The following TSKS variants were observed in gnomAD, a reference collection of about 807,000 sequenced individuals.
TSKS encodes the protein testis specific serine kinase substrate.
In TSKS, 27 loss-of-function variants were observed where a neutral mutation model predicts 68.0. The ratio of observed to expected loss-of-function variants is 0.40; its 90% confidence interval spans 0.29 to 0.55. The LOEUF (loss-of-function observed/expected upper bound fraction) is 0.55, where lower values mean the gene tolerates loss of function less well. Among genes scored for constraint, TSKS ranks in the 20% least tolerant of loss-of-function variants. The pLI, the probability that TSKS is intolerant of heterozygous loss-of-function variation, is 0.53. For missense variants in TSKS, 806 were observed against 776.0 expected (o/e 1.04, Z -0.46); for synonymous variants, 331 against 340.4 (o/e 0.97, Z 0.30).
At chr19:49,746,363 T>C in intron 6 of TSKS, 107 bp downstream of exon 6, 5 of 1,365,588 alleles carry the variant, frequency 3.7e-6, no homozygotes, top group Admixed American at 2.1e-5. Context: ...CCTCAGCTAC[T>C]TGAGAACCCC....
intron 2 of TSKS, among the ~76,000 whole-genome samples, chr19:49,749,646 G>T (rs914840932): frequency 2.0e-5 from 3 of 151,862 alleles, no homozygotes; most frequent in Non-Finnish European, 4.4e-5. Context: ...TGTGTGGGGG[G>T]TCTCTCATTA....
chr19:49,750,080 G>C (rs972351113), intron 2 of TSKS, among the ~76,000 whole-genome samples: 2 of 152,046 alleles, frequency 1.3e-5, no homozygotes, highest in African/African-American at 4.8e-5. Context: ...TGGACCAGCA[G>C]ATAGAGGACA....
In TSKS at chr19:49,762,009, T is replaced by C; in HGVS notation, c.394A>G (p.Ile132Val). The change falls in exon 2 of 11, where the codon ATC (isoleucine) becomes GTC (valine). Residue 132 changes from isoleucine (I) to valine (V), a missense_variant. By Grantham distance (29) the Ile-to-Val change is conservative. Coordinates refer to ENST00000246801, the MANE Select transcript of TSKS (RefSeq NM_021733.2). ...WDPDDADITE[I>V]LSGVNSGLVR... ...GTGGTGTGGAGGGCCCTCACCAGGA[T>C]TTCCGTGATGTCTGCGTCATCCGGA... 2 of 1,612,070 alleles carry C rather than the reference T, an allele frequency of 1.2e-6. No homozygotes were observed. The highest frequency in any genetic ancestry group is 1.7e-6 in the Non-Finnish European group (2 of 1,178,548).
At position 49,746,367 on chromosome 19, in the gene TSKS, GA is replaced by G. The variant is rs1239567010; in HGVS notation, c.992+102del. The G allele has an allele frequency of 2.9e-6, 4 of 1,376,492 alleles. No homozygotes were observed. The East Asian group carries it at 7.2e-5, about 25-fold the overall frequency. 85.3% of individuals were successfully genotyped at this position (1,376,492 alleles called of 1,614,324 possible). ...GTCACCGCCCACCTCAGCTACTTGA[GA>G]ACCCCCGTCCCTTGGGTCCCGCCCA... On this transcript the variant is annotated intron_variant, in intron 6 of 10. Transcript: ENST00000246801.
intron 9 of TSKS, among the ~76,000 whole-genome samples, chr19:49,741,165 G>A (rs1427577699): frequency 2.6e-5 from 4 of 152,032 alleles, no homozygotes; most frequent in Non-Finnish European, 5.9e-5. Flanking sequence ...GCGACAGAGC[G>A]AGACTCCATC....
Position 49,746,514 on chromosome 19 carries a change from G to T in TSKS, c.948C>A (p.Ser316Arg), listed in dbSNP as rs748020438. 1.7e-5 allele frequency: 28 copies of T among 1,613,736 alleles called. No homozygotes were observed. In the Admixed American group the frequency reaches 4.5e-4, roughly 26 times the overall value. ...TGAACAGCTTCTGCAATTCCTGCTC[G>T]CTCACGTAGGGGCCCTCGCCAGCCC... ...GPRAGEGPYV[S>R]EQELQKLFTG... is the part of the protein sequence containing the mutation. The change falls in exon 6 of 11, where the codon AGC becomes AGA. Residue 316 changes from serine (S) to arginine (R), a missense_variant. Transcript: ENST00000246801.
At chr19:49,749,781 T>G (rs545674242) in intron 2 of TSKS, among the ~76,000 whole-genome samples, 1 of 152,126 alleles carries the variant, frequency 6.6e-6, no homozygotes, top group Admixed American at 6.6e-5. Context: ...CAGCAAAATT[T>G]TAAGATGTTT....
In TSKS at chr19:49,746,494, A is replaced by G; in HGVS notation, c.968T>C (p.Leu323Pro). 2 of 1,613,942 alleles carry G rather than the reference A, an allele frequency of 1.2e-6. No homozygotes were observed. The highest frequency in any genetic ancestry group is 1.7e-6 in the Non-Finnish European group (2 of 1,179,930). The stretch of plus-strand genomic sequence containing the variant: ...CCTCAGCTCTTCGATGCCGGTGAAC[A>G]GCTTCTGCAATTCCTGCTCGCTCAC... ...PYVSEQELQK[L>P]FTGIEELRRE... The change falls in exon 6 of 11, where the codon CTG becomes CCG. Residue 323 changes from leucine (L) to proline (P), a missense_variant. Coordinates refer to ENST00000246801, the MANE Select transcript of TSKS (RefSeq NM_021733.2).
At position 49,763,290 on chromosome 19, in the gene TSKS, G is replaced by T; in HGVS notation, c.-43C>A. ...CCCAGGGAGGGGCTCCTTCCTCTGAGACTTCCTACCTACTGTGACCACAGA... is the reference window on the plus strand; with the variant it reads ...CCCAGGGAGGGGCTCCTTCCTCTGATACTTCCTACCTACTGTGACCACAGA... On this transcript the variant is annotated 5_prime_UTR_variant, in exon 1 of 11. Coordinates refer to ENST00000246801, the MANE Select transcript of TSKS (RefSeq NM_021733.2). This position sits in a 1 kb window ranked among gnomAD's most constrained non-coding sequence, Gnocchi z 4.5. 6.8e-7 allele frequency: 1 copy of T among 1,474,272 alleles called. No homozygotes were observed. Among genetic ancestry groups the T allele is most frequent in the South Asian group, 1.4e-5 (1 of 72,004 alleles). 91.3% of individuals were successfully genotyped at this position (1,474,272 alleles called of 1,614,324 possible). A position where few individuals can be genotyped will look rare whatever the true frequency, so the allele number is the denominator to read the frequency against.
chr19:49,754,512 A>G (rs2084378054), intron 2 of TSKS, among the ~76,000 whole-genome samples: 1 of 151,866 alleles, frequency 6.6e-6, no homozygotes, highest in African/African-American at 2.4e-5. Context: ...AAAAATAAAA[A>G]ATAAAAAATG....
chr19:49,762,032 G>T lies in TSKS; in HGVS notation c.371C>A (p.Pro124Gln). 2.5e-6 allele frequency: 4 copies of T among 1,614,004 alleles called. No homozygotes were observed. The highest frequency in any genetic ancestry group is 3.4e-6 in the Non-Finnish European group (4 of 1,179,958). ...PPASPTLPWD[P>Q]DDADITEILS... is the part of the protein sequence containing the mutation. ...GATTTCCGTGATGTCTGCGTCATCC[G>T]GATCCCAGGGTAGGGTAGGGGAGGC... Residue 124 changes from proline to glutamine, a missense_variant, in exon 2 of 11, where the codon CCG becomes CAG. Transcript: ENST00000246801.
chr19:49,744,493 G>T, intron 7 of TSKS, 89 bp from the exon 8 acceptor site: 1 of 1,381,462 alleles, frequency 7.2e-7, no homozygotes, highest in Non-Finnish European at 1.0e-6. Flanking sequence ...CACCACTTGC[G>T]TCTCCATCTG....
rs139192008 is a variant in TSKS at position 49,763,124 on chromosome 19, G to A, written c.124C>T (p.Arg42Trp). 34 of 1,612,014 alleles carry A rather than the reference G, an allele frequency of 2.1e-5. No individual in the cohort carries two copies. The highest frequency in any genetic ancestry group is 4.5e-5 in the East Asian group (2 of 44,604). The change falls in exon 1 of 11, where the codon CGG becomes TGG. Residue 42 changes from arginine (R) to tryptophan (W), a missense_variant. Arg to Trp is a moderately radical substitution (Grantham distance 101). Transcript: ENST00000246801. This position sits in a 1 kb window ranked among gnomAD's most constrained non-coding sequence, Gnocchi z 4.5. ...VPEAPRRVTSRAKGIPKKKKA... is the reference protein window; with the variant it reads ...VPEAPRRVTSWAKGIPKKKKA... ...TTTTTCTTCGGGATCCCCTTGGCCC[G>A]GCTGGTCACCCTCCGGGGAGCCTCT... is the stretch of plus-strand genomic sequence containing the variant.
chr19:49,746,051 C>T (rs1252806424), intron 6 of TSKS, among the ~76,000 whole-genome samples: 6 of 152,072 alleles, frequency 3.9e-5, no homozygotes, highest in Non-Finnish European at 7.4e-5. Context: ...GGCGTGGTGG[C>T]GGGCGCCTGT....
At chr19:49,753,753 A>C (rs1182574209) in intron 2 of TSKS, among the ~76,000 whole-genome samples, 1 of 150,036 alleles carries the variant, frequency 6.7e-6, no homozygotes, top group Non-Finnish European at 1.5e-5. Context: ...ATCATGTCTC[A>C]AATAATAATA....
Position 49,739,803 on chromosome 19 carries a change from T to C in TSKS, c.1752A>G (p.Lys584=). The C allele has an allele frequency of 1.3e-6, 2 of 1,546,852 alleles. No individual in the cohort carries two copies. The highest frequency in any genetic ancestry group is 1.8e-6 in the Non-Finnish European group (2 of 1,120,294). The change falls in exon 11 of 11, where the codon AAA becomes AAG. Residue 584 remains lysine, a synonymous_variant. Coordinates refer to ENST00000246801, the MANE Select transcript of TSKS (RefSeq NM_021733.2). ...ATTGTTCAGGGGCTGAGCCCCCCTG[T>C]TTTGGGGGGGTTCCTGCACTGCTGC... is the stretch of plus-strand genomic sequence containing the variant. ...GGGSSAGTPP[K]QGGSAPEQ is the part of the protein sequence containing the mutation.
intron 8 of TSKS, among the ~76,000 whole-genome samples, chr19:49,743,479 G>A (rs1600187187): frequency 6.7e-6 from 1 of 149,718 alleles, no homozygotes; most frequent in East Asian, 2.0e-4. Context: ...CGCCTCCCGG[G>A]TCCAAGTGAA....
intron 2 of TSKS, among the ~76,000 whole-genome samples, chr19:49,753,591 T>TAATAATAATAATAA (rs1477274151): frequency 6.9e-6 from 1 of 145,886 alleles, no homozygotes; most frequent in African/African-American, 2.5e-5. Context: ...ATAATAATAA[T>TAATAATAATAATAA]AATAAAATAA....
chr19:49,747,349 C>T, intron 5 of TSKS, 40 bp downstream of exon 5: 1 of 1,613,928 alleles, frequency 6.2e-7, no homozygotes, highest in Non-Finnish European at 8.5e-7. Flanking sequence ...GTGCATCTGA[C>T]CTCCTCCCAC....
Sources: allele counts gnomAD v4.1 joint callset (sites outside exome capture counted in the v4.1 genomes callset), GRCh38; gene constraint gnomAD v4.1.1; non-coding constraint Gnocchi (gnomAD v3.1); transcripts MANE v1.5; gene names NCBI Gene and HGNC (gene_info 2026-07-23, HGNC 2026-07-21).